MACO1: variants seen among roughly 807,000 people sequenced by gnomAD.
The protein encoded by MACO1 is macoilin.
Under a neutral mutation model 78.7 loss-of-function variants are expected in MACO1, and 14 were observed. The observed-to-expected ratio is 0.18, with a 90% CI of 0.12 to 0.28. The LOEUF (loss-of-function observed/expected upper bound fraction) is 0.28. MACO1 is among the 10% of genes least tolerant of loss of function. The pLI, the probability that MACO1 is intolerant of heterozygous loss-of-function variation, is 1.00. For synonymous variants in MACO1, 288 were observed against 291.6 expected (o/e 0.99, Z 0.12); for missense variants, 501 against 799.0 (o/e 0.63, Z 4.50).
intron 6 of MACO1, among the ~76,000 whole-genome samples, chr1:25,463,542 T>G (rs2043189710): frequency 6.6e-6 from 1 of 152,228 alleles, no homozygotes; most frequent in African/African-American, 2.4e-5. Flanking sequence ...AAAATGGTTT[T>G]GATTCCAACA....
At chr1:25,458,326 G>A in intron 5 of MACO1, 65 bp from the exon 6 acceptor site, 1 of 1,519,562 alleles carries the variant, frequency 6.6e-7, no homozygotes. Flanking sequence ...ATTAATCTGT[G>A]TTGTTAAACA....
intron 6 of MACO1, among the ~76,000 whole-genome samples, chr1:25,461,268 G>A (rs1458667099): frequency 2.0e-5 from 3 of 151,514 alleles, no homozygotes; most frequent in Admixed American, 1.3e-4. Context: ...ACTACATGAC[G>A]AGTTAATGGG....
At chr1:25,493,234 A>T (rs2043502817) in intron 10 of MACO1, among the ~76,000 whole-genome samples, 1 of 152,164 alleles carries the variant, frequency 6.6e-6, no homozygotes, top group Admixed American at 6.5e-5. Flanking sequence ...ATTAAAACTT[A>T]AAACATTTAT....
intron 8 of MACO1, among the ~76,000 whole-genome samples, chr1:25,487,788 A>G (rs772851559): frequency 6.6e-6 from 1 of 152,102 alleles, no homozygotes; most frequent in Admixed American, 6.5e-5. Flanking sequence ...GTTCAGTTCT[A>G]TCTGGCTTTG....
Position 25,458,617 on chromosome 1 carries a change from C to G in MACO1, c.879C>G (p.Ile293Met). ...AGATTGAGTATATGGAAAACCATAT[C>G]AATAGTAAAAGATTAAATAATGATC... Reference protein sequence around the residue: ...IQEIEYMENHINSKRLNNDLV... With the variant: ...IQEIEYMENHMNSKRLNNDLV... Residue 293 changes from isoleucine (I) to methionine (M), a missense_variant, in exon 6 of 11, where the codon ATC becomes ATG. By Grantham distance (10) the Ile-to-Met change is conservative. This residue lies in a region of MACO1 where 90 missense variants were observed against 85.7 expected (regional missense o/e 1.05). Transcript: ENST00000374343. 1 of 1,613,806 alleles carries G rather than the reference C, an allele frequency of 6.2e-7. No homozygotes were observed. Among genetic ancestry groups the G allele is most frequent in the Non-Finnish European group, 8.5e-7 (1 of 1,179,900 alleles).
intron 4 of MACO1, among the ~76,000 whole-genome samples, chr1:25,455,807 C>T (rs1015093112): frequency 3.9e-5 from 6 of 152,106 alleles, no homozygotes; most frequent in African/African-American, 1.4e-4. Flanking sequence ...CAAGGAATAG[C>T]TGGTGACAGT....
At chr1:25,483,576 C>T (rs1401693551) in intron 6 of MACO1, among the ~76,000 whole-genome samples, 3 of 152,092 alleles carry the variant, frequency 2.0e-5, no homozygotes, top group South Asian at 2.1e-4. Context: ...GCTCTTCTGC[C>T]GCAATCACCA....
chr1:25,449,286 GAAAGGA>G (rs1346320095), intron 3 of MACO1, among the ~76,000 whole-genome samples: 2 of 151,938 alleles, frequency 1.3e-5, no homozygotes, highest in Non-Finnish European at 2.9e-5. Context: ...TTTCATCATT[GAAAGGA>G]ATGTCATTTA....
intron 6 of MACO1, among the ~76,000 whole-genome samples, chr1:25,480,085 C>G (rs2043358382): frequency 6.6e-6 from 1 of 152,272 alleles, no homozygotes; most frequent in South Asian, 2.1e-4. Flanking sequence ...AAAATAAACT[C>G]AATGCAGGTG....
chr1:25,468,455 G>A (rs755954698), intron 6 of MACO1, among the ~76,000 whole-genome samples: 4 of 152,110 alleles, frequency 2.6e-5, no homozygotes, highest in African/African-American at 4.8e-5. Context: ...TTCTTGCTTC[G>A]AAGGCCTAGA....
At chr1:25,455,011 G>A (rs1366519234) in intron 4 of MACO1, among the ~76,000 whole-genome samples, 6 of 151,982 alleles carry the variant, frequency 3.9e-5, no homozygotes, top group African/African-American at 1.5e-4. Flanking sequence ...TGCCTCACTG[G>A]GTCATGGGAA....
At chr1:25,478,917 A>G (rs1470079057) in intron 6 of MACO1, among the ~76,000 whole-genome samples, 1 of 152,240 alleles carries the variant, frequency 6.6e-6, no homozygotes, top group Non-Finnish European at 1.5e-5. Flanking sequence ...ACTAAGCCTT[A>G]TTAAAGCTTG....
chr1:25,445,651 T>A (rs1181772564), intron 1 of MACO1, among the ~76,000 whole-genome samples: 1 of 152,098 alleles, frequency 6.6e-6, no homozygotes, highest in East Asian at 1.9e-4. Flanking sequence ...GTCTTTTGTA[T>A]CTTATTGGAA....
In MACO1 at chr1:25,433,221, T is replaced by C. The variant is rs149634446; in HGVS notation, c.80+2043T>C. ...TCAAATGAGCGTTTCAACTCACTTA[T>C]CTGTTTCTTGGTTTATATTATGGAG... On this transcript the variant is annotated intron_variant, in intron 1 of 10. Transcript: ENST00000374343. Among the ~76,000 whole-genome samples, 16 of 152,356 alleles carry C rather than the reference T, an allele frequency of 1.1e-4. No individual in the cohort carries two copies. The East Asian group carries it at 2.9e-3, about 27-fold the overall frequency.
chr1:25,490,767 G>T (rs927157194), intron 9 of MACO1, among the ~76,000 whole-genome samples: 12 of 152,006 alleles, frequency 7.9e-5, no homozygotes, highest in Non-Finnish European at 1.6e-4. Context: ...GTTTTTAAAA[G>T]ACTATGTACA....
rs549609037 is a variant in MACO1 at position 25,474,247 on chromosome 1, C to CT, written c.1155-9860dup. ...TACGTGAAACCTCTCAGTTAAAAAA[C>CT]TTTTTTTTTAACATCATGTAGGAGG... On this transcript the variant is annotated intron_variant, in intron 6 of 10. Transcript: ENST00000374343. Among the ~76,000 whole-genome samples the CT allele has an allele frequency of 4.8e-4, 73 of 151,592 alleles. 1 individual carries two copies. Among genetic ancestry groups the CT allele is most frequent in the Non-Finnish European group, 7.1e-4 (48 of 67,846 alleles).
chr1:25,496,703 A>G (rs1430987049), intron 10 of MACO1, among the ~76,000 whole-genome samples: 1 of 133,114 alleles, frequency 7.5e-6, no homozygotes, highest in East Asian at 1.9e-4. Flanking sequence ...TAACAATGGA[A>G]AAAAAAAAAG....
chr1:25,439,713 C>G (rs1360485349), intron 1 of MACO1, among the ~76,000 whole-genome samples: 1 of 147,216 alleles, frequency 6.8e-6, no homozygotes, highest in Non-Finnish European at 1.5e-5. Context: ...CTCTGGATCT[C>G]TTTACACTCT....
intron 4 of MACO1, among the ~76,000 whole-genome samples, chr1:25,454,845 T>C (rs2043105685): frequency 6.6e-6 from 1 of 152,084 alleles, no homozygotes; most frequent in Non-Finnish European, 1.5e-5. Flanking sequence ...CAACTGTAAA[T>C]TTATTCTTAG....
Sources: allele counts gnomAD v4.1 joint callset (sites outside exome capture counted in the v4.1 genomes callset), GRCh38; gene constraint gnomAD v4.1.1; regional missense constraint gnomAD v4.1.1; transcripts MANE v1.5; gene names NCBI Gene and HGNC (gene_info 2026-07-23, HGNC 2026-07-21).